The following HPSE2 variants were observed in gnomAD, a reference collection of about 807,000 sequenced individuals.
HPSE2 encodes heparanase 2 (inactive), also known as inactive heparanase-2.
In HPSE2, 38 loss-of-function variants were observed where a neutral mutation model predicts 60.5. That is an observed-to-expected ratio of 0.63 (90% CI 0.48 to 0.82). The LOEUF is 0.82. Ranked by LOEUF, HPSE2 falls within the 40% of genes least tolerant of loss-of-function variation. The probability of loss-of-function intolerance (pLI) is 0.00; values close to 1 mark genes in which losing one functional copy is unlikely to be tolerated. For synonymous variants in HPSE2, 295 were observed against 293.2 expected, an observed-to-expected ratio of 1.01 and a Z score of -0.06; for missense variants, 713 against 740.4, an observed-to-expected ratio of 0.96 and a Z score of 0.43.
At chr10:99,184,570 A>G (rs1847904511) in intron 2 of HPSE2, among the ~76,000 whole-genome samples, 1 of 142,386 alleles carries the variant, frequency 7.0e-6, no homozygotes. Flanking sequence ...GCTAAGAGGA[A>G]GGCCATTAAG....
intron 9 of HPSE2, among the ~76,000 whole-genome samples, chr10:98,545,503 A>C (rs1372647432): frequency 1.3e-5 from 2 of 152,208 alleles, no homozygotes; most frequent in Non-Finnish European, 2.9e-5. Flanking sequence ...GTTCAACACA[A>C]GCAAATCAAT....
At chr10:98,867,846 G>A (rs1164968692) in intron 3 of HPSE2, among the ~76,000 whole-genome samples, 1 of 152,072 alleles carries the variant, frequency 6.6e-6, no homozygotes, top group African/African-American at 2.4e-5. Context: ...AACTACCTGA[G>A]GTCAGGAGTT....
At chr10:98,631,029 C>A (rs1946354242) in intron 7 of HPSE2, among the ~76,000 whole-genome samples, 1 of 152,126 alleles carries the variant, frequency 6.6e-6, no homozygotes, top group Admixed American at 6.5e-5. Flanking sequence ...TCATCACATT[C>A]CTCTTGATGC....
At chr10:98,959,977 T>G (rs1295588033) in intron 3 of HPSE2, among the ~76,000 whole-genome samples, 1 of 152,110 alleles carries the variant, frequency 6.6e-6, no homozygotes, top group Non-Finnish European at 1.5e-5. Flanking sequence ...TGCCTCAGAT[T>G]CTGCCAGTCA....
At chr10:99,297,258 AC>A in the HPSE2 span, among the ~76,000 whole-genome samples, 1 of 152,048 alleles carries the variant, frequency 6.6e-6, no homozygotes, top group African/African-American at 2.4e-5. Flanking sequence ...GTGGGTTACC[AC>A]CCATGCAAGC....
At chr10:98,690,203 TC>T (rs1409660492) in intron 6 of HPSE2, among the ~76,000 whole-genome samples, 2 of 152,206 alleles carry the variant, frequency 1.3e-5, no homozygotes, top group Non-Finnish European at 2.9e-5. Flanking sequence ...AGCATGCATT[TC>T]TGTTTGAGTT....
At chr10:98,541,489 C>T (rs957386909) in intron 9 of HPSE2, among the ~76,000 whole-genome samples, 4 of 152,144 alleles carry the variant, frequency 2.6e-5, no homozygotes, top group Non-Finnish European at 5.9e-5. Flanking sequence ...TGCAGCACAC[C>T]GTGCGCGAGC....
chr10:98,507,170 G>A (rs931427987), intron 9 of HPSE2, among the ~76,000 whole-genome samples: 4 of 152,176 alleles, frequency 2.6e-5, no homozygotes, highest in African/African-American at 9.7e-5. Context: ...GGAGAAATCA[G>A]GGAAATGGGG....
chr10:99,170,914 G>C (rs907890508), intron 2 of HPSE2, among the ~76,000 whole-genome samples: 1 of 152,162 alleles, frequency 6.6e-6, no homozygotes, highest in African/African-American at 2.4e-5. Flanking sequence ...CTAAACAATA[G>C]TGTAACAAAT....
chr10:99,306,771 G>A, the HPSE2 span, among the ~76,000 whole-genome samples: 7 of 152,076 alleles, frequency 4.6e-5, no homozygotes, highest in African/African-American at 1.4e-4. Context: ...GTACAATGGC[G>A]CGATCTCGGC....
At chr10:98,642,728 G>T (rs1946670310) in intron 6 of HPSE2, among the ~76,000 whole-genome samples, 1 of 152,174 alleles carries the variant, frequency 6.6e-6, no homozygotes, top group African/African-American at 2.4e-5. Context: ...ATTAAGCTAA[G>T]GCTGACACAG....
intron 3 of HPSE2, among the ~76,000 whole-genome samples, chr10:98,954,383 T>G (rs944097241): frequency 5.9e-5 from 9 of 152,106 alleles, no homozygotes; most frequent in African/African-American, 2.2e-4. Flanking sequence ...GGGGAAGTCC[T>G]AAAAATCCTC....
intron 3 of HPSE2, among the ~76,000 whole-genome samples, chr10:98,776,380 G>A (rs1420574821): frequency 1.3e-5 from 2 of 152,120 alleles, no homozygotes; most frequent in East Asian, 3.8e-4. Context: ...CCAGGAGGTA[G>A]AGGTTGCAGT....
intron 3 of HPSE2, among the ~76,000 whole-genome samples, chr10:98,810,789 CA>C: frequency 6.6e-6 from 1 of 151,992 alleles, no homozygotes; most frequent in East Asian, 1.9e-4. Flanking sequence ...AAATAAATCA[CA>C]CACAAAAATA....
At chr10:98,875,503 G>A (rs148089772) in intron 3 of HPSE2, among the ~76,000 whole-genome samples, 2,229 of 151,692 alleles carry the variant, frequency 0.015, 52 homozygotes, top group African/African-American at 0.051. Context: ...TGAATAGACC[G>A]ATAACAAGTT....
chr10:98,556,407 T>C (rs1944008908), intron 9 of HPSE2, among the ~76,000 whole-genome samples: 1 of 152,228 alleles, frequency 6.6e-6, no homozygotes, highest in Admixed American at 6.5e-5. Flanking sequence ...CTGCTGACAC[T>C]ATTATTGTGT....
intron 3 of HPSE2, among the ~76,000 whole-genome samples, chr10:98,764,577 G>A (rs570208614): frequency 2.0e-5 from 3 of 152,308 alleles, no homozygotes; most frequent in African/African-American, 7.2e-5. Context: ...GGATAAGCCA[G>A]GCGTGGTGGC....
chr10:98,524,866 T>C (rs999619898), intron 9 of HPSE2, among the ~76,000 whole-genome samples: 5 of 152,220 alleles, frequency 3.3e-5, no homozygotes, highest in South Asian at 4.1e-4. Context: ...AATATAAAGA[T>C]GAATGGTAAC....
At chr10:98,741,398 T>C (rs1175723019) in intron 4 of HPSE2, among the ~76,000 whole-genome samples, 1 of 152,118 alleles carries the variant, frequency 6.6e-6, no homozygotes, top group Non-Finnish European at 1.5e-5. Context: ...TAAATAACAT[T>C]TTTTTAAGTG....
Sources: allele counts gnomAD v4.1 joint callset (sites outside exome capture counted in the v4.1 genomes callset), GRCh38; gene constraint gnomAD v4.1.1; transcripts MANE v1.5; gene names NCBI Gene and HGNC (gene_info 2026-07-23, HGNC 2026-07-21).